TLL1: variants seen among roughly 807,000 people sequenced by gnomAD.
The protein encoded by TLL1 is tolloid like 1, also known as tolloid-like protein 1.
Under a neutral mutation model 128.2 loss-of-function variants are expected in TLL1, and 49 were observed. That is an observed-to-expected ratio of 0.38 (90% CI 0.30 to 0.48). TLL1 has a LOEUF of 0.48. Among genes scored for constraint, TLL1 ranks in the 20% least tolerant of loss-of-function variants. The pLI, the probability that TLL1 is intolerant of heterozygous loss-of-function variation, is 0.96. For synonymous variants in TLL1, 454 were observed against 418.8 expected (o/e 1.08, Z -1.03); for missense variants, 1,123 against 1,242.0 (o/e 0.90, Z 1.44).
chr4:165,914,261 C>G (rs1732680540), intron 1 of TLL1, among the ~76,000 whole-genome samples: 1 of 151,960 alleles, frequency 6.6e-6, no homozygotes, highest in African/African-American at 2.4e-5. Context: ...AACAATAGTC[C>G]CTACTAAAAA....
intron 13 of TLL1, among the ~76,000 whole-genome samples, chr4:166,056,084 CTATTT>C: frequency 6.6e-6 from 1 of 152,086 alleles, no homozygotes; most frequent in South Asian, 2.1e-4. Flanking sequence ...TCCCTGGAAG[CTATTT>C]TATTCATCAT....
At chr4:166,057,863 G>A (rs575238858) in intron 14 of TLL1, among the ~76,000 whole-genome samples, 5 of 152,196 alleles carry the variant, frequency 3.3e-5, no homozygotes, top group East Asian at 1.9e-4. Context: ...CCTCCCACCA[G>A]GTCCCTCCCA....
chr4:166,094,455 C>A (rs1442559069), intron 19 of TLL1, among the ~76,000 whole-genome samples: 2 of 151,504 alleles, frequency 1.3e-5, no homozygotes, highest in African/African-American at 4.9e-5. Flanking sequence ...AGTGACTAGG[C>A]TCATTTTATT....
chr4:166,021,764 A>G (rs1311016614), intron 8 of TLL1, among the ~76,000 whole-genome samples: 1 of 152,064 alleles, frequency 6.6e-6, no homozygotes, highest in Non-Finnish European at 1.5e-5. Flanking sequence ...ACATTCCTGT[A>G]GTGAATCCCT....
At chr4:166,091,000 C>A in intron 18 of TLL1, 128 bp from the exon 19 acceptor site, 1 of 702,748 alleles carries the variant, frequency 1.4e-6, no homozygotes, top group Non-Finnish European at 2.3e-6. Flanking sequence ...CTTAATTATG[C>A]TGTAAATGTG....
At chr4:165,915,254 G>C (rs1006061492) in intron 1 of TLL1, among the ~76,000 whole-genome samples, 4 of 152,050 alleles carry the variant, frequency 2.6e-5, no homozygotes, top group African/African-American at 9.7e-5. Context: ...GCTCAAACTG[G>C]AATTCTTTTT....
rs1736624239 is a variant in TLL1 at position 165,991,229 on chromosome 4, A to G, written c.281-1575A>G. Among the ~76,000 whole-genome samples, 3 of 152,100 alleles carry G rather than the reference A, an allele frequency of 2.0e-5. No individual in the cohort carries two copies. In the South Asian group the frequency reaches 6.2e-4, roughly 32 times the overall value. ...ACTCTGAGACCATAATAATTGGAAG[A>G]AAAATAGTGTTATTTTAGACATAGA... is the stretch of plus-strand genomic sequence containing the variant. On this transcript the variant is annotated intron_variant, in intron 2 of 20. Coordinates refer to ENST00000061240, the MANE Select transcript of TLL1 (RefSeq NM_012464.5).
At chr4:165,876,633 T>C (rs1430819213) in intron 1 of TLL1, among the ~76,000 whole-genome samples, 1 of 152,200 alleles carries the variant, frequency 6.6e-6, no homozygotes, top group Non-Finnish European at 1.5e-5. Flanking sequence ...ATGGTAGAGT[T>C]TGTTACTCTT....
At chr4:166,085,240 C>CT (rs35676382) in intron 18 of TLL1, among the ~76,000 whole-genome samples, 118,535 of 144,902 alleles carry the variant, frequency 0.82, 48,459 homozygotes, top group East Asian at 0.95. Context: ...GATAATTTAA[C>CT]TTTTTTTTTT....
intron 1 of TLL1, among the ~76,000 whole-genome samples, chr4:165,888,146 T>G (rs1297916414): frequency 1.3e-5 from 2 of 152,214 alleles, no homozygotes; most frequent in East Asian, 3.8e-4. Context: ...TTTTTTGCTG[T>G]GCTGACAGCC....
intron 18 of TLL1, among the ~76,000 whole-genome samples, chr4:166,089,853 C>T (rs925530466): frequency 3.3e-5 from 5 of 151,894 alleles, no homozygotes; most frequent in Non-Finnish European, 5.9e-5. Context: ...TTCTTTCTTC[C>T]GTTAAGTAAC....
intron 1 of TLL1, among the ~76,000 whole-genome samples, chr4:165,945,356 C>T (rs944494392): frequency 6.6e-6 from 1 of 152,056 alleles, no homozygotes; most frequent in Non-Finnish European, 1.5e-5. Flanking sequence ...ATTAGGGACA[C>T]TTGGGATCAG....
intron 8 of TLL1, 125 bp downstream of exon 8, chr4:166,014,685 A>G: frequency 5.6e-6 from 8 of 1,418,166 alleles, no homozygotes; most frequent in Non-Finnish European, 7.8e-6. Context: ...TGTACAGTTC[A>G]AAGTCAGTAA....
intron 1 of TLL1, among the ~76,000 whole-genome samples, chr4:165,896,257 T>C (rs965216261): frequency 6.6e-6 from 1 of 152,132 alleles, no homozygotes; most frequent in Non-Finnish European, 1.5e-5. Flanking sequence ...GCAAAGCACA[T>C]GAACTTATCA....
intron 1 of TLL1, among the ~76,000 whole-genome samples, chr4:165,884,411 A>C (rs1360183748): frequency 6.6e-6 from 1 of 152,262 alleles, no homozygotes; most frequent in African/African-American, 2.4e-5. Context: ...GCAACTTTTA[A>C]GTAAGTACTT....
chr4:165,941,629 T>TA, intron 1 of TLL1, among the ~76,000 whole-genome samples: 1 of 152,254 alleles, frequency 6.6e-6, no homozygotes, highest in South Asian at 2.1e-4. Context: ...AGTGTCAACA[T>TA]AAAAATGTAC....
At position 165,874,016 on chromosome 4, in the gene TLL1, G is replaced by GT; in HGVS notation, c.112_113insT (p.Asp38ValfsTer7). ...TGGCCTCGATTATGATTACACTTTT[G>GT]ATGGGAACGAAGAGGATAAAACAGA... On this transcript the variant is annotated frameshift_variant, in exon 1 of 21. Transcript: ENST00000061240. LOFTEE classifies it high-confidence loss of function. The GT allele has an allele frequency of 6.2e-7, 1 of 1,614,178 alleles. No homozygotes were observed. Among genetic ancestry groups the GT allele is most frequent in the Non-Finnish European group, 8.5e-7 (1 of 1,180,036 alleles).
chr4:165,989,673 T>C (rs1387115734), intron 2 of TLL1, among the ~76,000 whole-genome samples, 182 bp downstream of exon 2: 1 of 151,486 alleles, frequency 6.6e-6, no homozygotes, highest in East Asian at 1.9e-4. Flanking sequence ...ATTTTTTTTT[T>C]TTTTTACCAA....
chr4:165,970,796 C>T (rs1346527486), intron 1 of TLL1, among the ~76,000 whole-genome samples: 1 of 152,154 alleles, frequency 6.6e-6, no homozygotes, highest in African/African-American at 2.4e-5. Flanking sequence ...GGATCATTGA[C>T]ACTGATACGT....
Sources: allele counts gnomAD v4.1 joint callset (sites outside exome capture counted in the v4.1 genomes callset), GRCh38; gene constraint gnomAD v4.1.1; transcripts MANE v1.5; gene names NCBI Gene and HGNC (gene_info 2026-07-23, HGNC 2026-07-21).